CWF19L2: variants seen among roughly 807,000 people sequenced by gnomAD.
CWF19L2 encodes CWF19-like protein 2.
In CWF19L2, 98 loss-of-function variants were observed where a neutral mutation model predicts 111.7. The observed-to-expected ratio is 0.88, with a 90% CI of 0.75 to 1.04. The LOEUF (loss-of-function observed/expected upper bound fraction) is 1.04. Among genes scored for constraint, CWF19L2 ranks in the 50% least tolerant of loss-of-function variants. The pLI is 0.00. For missense variants in CWF19L2, 1,101 were observed against 1,051.4 expected (o/e 1.05, Z -0.65); for synonymous variants, 351 against 342.9 (o/e 1.02, Z -0.26).
intron 12 of CWF19L2, among the ~76,000 whole-genome samples, chr11:107,379,880 A>G (rs1591173691): frequency 6.6e-6 from 1 of 152,014 alleles, no homozygotes; most frequent in African/African-American, 2.4e-5. Flanking sequence ...TAACACAGTG[A>G]AACCCCATCT....
intron 6 of CWF19L2, among the ~76,000 whole-genome samples, chr11:107,438,327 G>A (rs377663728): frequency 2.2e-4 from 34 of 152,224 alleles, no homozygotes; most frequent in African/African-American, 7.9e-4. Context: ...GTATGCTTAC[G>A]TGACATTTAA....
chr11:107,372,728 T>C lies in CWF19L2; in HGVS notation c.1872+17346A>G, dbSNP rs548696820. Among the ~76,000 whole-genome samples, 113 of 135,138 alleles carry C rather than the reference T, an allele frequency of 8.4e-4. 20 individuals carry two copies. The highest frequency in any genetic ancestry group is 1.3e-3 in the Non-Finnish European group (81 of 63,592). 88.7% of individuals were successfully genotyped at this position (135,138 alleles called of 152,430 possible). On this transcript the variant is annotated intron_variant, in intron 12 of 17. Coordinates refer to ENST00000282251, the MANE Select transcript of CWF19L2 (RefSeq NM_152434.3). Reference sequence around the variant, plus strand: ...GCTAGAAAACTAGTTAGAAGGCTATTTGGTAGACCAGATAAGAAACAAAGA... The same window carrying C: ...GCTAGAAAACTAGTTAGAAGGCTATCTGGTAGACCAGATAAGAAACAAAGA...
intron 8 of CWF19L2, among the ~76,000 whole-genome samples, chr11:107,421,775 A>G (rs1380236647): frequency 2.6e-5 from 4 of 152,132 alleles, no homozygotes; most frequent in Non-Finnish European, 4.4e-5. Context: ...AAATGGTACA[A>G]TCACTTTGGA....
chr11:107,422,988 T>C (rs1308484516), intron 8 of CWF19L2, among the ~76,000 whole-genome samples: 1 of 151,994 alleles, frequency 6.6e-6, no homozygotes, highest in Non-Finnish European at 1.5e-5. Context: ...CATATTTTCA[T>C]TCCCCTCATA....
chr11:107,379,938 A>G (rs1213845629), intron 12 of CWF19L2, among the ~76,000 whole-genome samples: 4 of 150,602 alleles, frequency 2.7e-5, no homozygotes, highest in Non-Finnish European at 3.0e-5. Flanking sequence ...GCAGGCCCCT[A>G]TAGTCCCAGC....
At chr11:107,396,682 G>C (rs1860926508) in intron 10 of CWF19L2, among the ~76,000 whole-genome samples, 1 of 152,182 alleles carries the variant, frequency 6.6e-6, no homozygotes, top group Admixed American at 6.5e-5. Context: ...GGCAAGACTA[G>C]ATTGTAGCTC....
intron 10 of CWF19L2, chr11:107,404,699 T>C: frequency 2.6e-6 from 1 of 387,162 alleles, no homozygotes. Flanking sequence ...AAGACCAAGC[T>C]GTATACTGTT....
At chr11:107,330,635 C>CA (rs1306594256) in intron 16 of CWF19L2, among the ~76,000 whole-genome samples, 3 of 128,538 alleles carry the variant, frequency 2.3e-5, no homozygotes, top group Non-Finnish European at 3.2e-5. Flanking sequence ...TCTACACACA[C>CA]CCCCCCCACC....
intron 14 of CWF19L2, among the ~76,000 whole-genome samples, chr11:107,348,445 T>G (rs962480527): frequency 1.3e-5 from 2 of 152,070 alleles, no homozygotes; most frequent in Non-Finnish European, 2.9e-5. Context: ...GGCCAGATTA[T>G]GAAGGAAAAA....
chr11:107,399,403 A>G (rs2135383095), intron 10 of CWF19L2, among the ~76,000 whole-genome samples: 1 of 152,352 alleles, frequency 6.6e-6, no homozygotes, highest in African/African-American at 2.4e-5. Context: ...ATGGACACCA[A>G]AAGTGAGGAG....
In CWF19L2 at chr11:107,331,688, T is replaced by C. The variant is rs76139040; in HGVS notation, c.2440-1669A>G. Among the ~76,000 whole-genome samples, 589 of 152,340 alleles carry C rather than the reference T, an allele frequency of 3.9e-3. 1 individual carries two copies. Among genetic ancestry groups the C allele is most frequent in the African/African-American group, 0.013 (530 of 41,584 alleles). On this transcript the variant is annotated intron_variant, in intron 16 of 17. Transcript: ENST00000282251. The stretch of plus-strand genomic sequence containing the variant: ...AAATCTATGGCGTTTTAGGCCAATA[T>C]GTTTGTGGTAATTTCTTACAGCAGC...
chr11:107,363,382 A>G (rs1232607229), intron 12 of CWF19L2, among the ~76,000 whole-genome samples: 1 of 152,178 alleles, frequency 6.6e-6, no homozygotes, highest in African/African-American at 2.4e-5. Flanking sequence ...CAGATTCACC[A>G]AAGTTGAAAT....
Position 107,429,211 on chromosome 11 carries a change from G to C in CWF19L2, c.1021C>G (p.Pro341Ala). 1 of 1,612,880 alleles carries C rather than the reference G, an allele frequency of 6.2e-7. No individual in the cohort carries two copies. The highest frequency in any genetic ancestry group is 8.5e-7 in the Non-Finnish European group (1 of 1,179,608). The part of the protein sequence containing the change: ...KFIGDEKDKR[P>A]GSLETCRRES... ...CTTCTACACGTTTCTAAAGACCCAG[G>C]TCTCTTATCTTTTTCATCACCAATA... The change falls in exon 8 of 18, where the codon CCT becomes GCT. Residue 341 changes from proline (P) to alanine (A), a missense_variant. By Grantham distance (27) the Pro-to-Ala change is conservative. Coordinates refer to ENST00000282251, the MANE Select transcript of CWF19L2 (RefSeq NM_152434.3).
intron 12 of CWF19L2, among the ~76,000 whole-genome samples, chr11:107,381,211 C>T (rs967070576): frequency 1.3e-5 from 2 of 152,104 alleles, no homozygotes; most frequent in African/African-American, 4.8e-5. Context: ...GAATTGTATA[C>T]TGTAAATGGT....
rs1861583299 is a variant in CWF19L2, at chr11:107,439,071, A to T, written c.664+19T>A. 2 of 997,824 alleles carry T rather than the reference A, an allele frequency of 2.0e-6. No individual in the cohort carries two copies. Among genetic ancestry groups the T allele is most frequent in the African/African-American group, 3.4e-5 (2 of 59,192 alleles). 61.8% of individuals were successfully genotyped at this position (997,824 alleles called of 1,614,324 possible). A position where few individuals can be genotyped will look rare whatever the true frequency, so the allele number is the denominator to read the frequency against. Reference sequence around the variant, plus strand: ...AAAAAAAAAAACCCTGTGTGTCTATAATCAAAATGTAGAAATACCTTTAGT... The same window carrying T: ...AAAAAAAAAAACCCTGTGTGTCTATTATCAAAATGTAGAAATACCTTTAGT... On this transcript the variant is annotated intron_variant, in intron 6 of 17. Transcript: ENST00000282251.
At chr11:107,368,590 C>G (rs1287936168) in intron 12 of CWF19L2, among the ~76,000 whole-genome samples, 1 of 137,608 alleles carries the variant, frequency 7.3e-6, no homozygotes, top group East Asian at 2.1e-4. Context: ...TGACTGACAG[C>G]TGATGATGTG....
rs557291742 is a variant in CWF19L2 at position 107,335,016 on chromosome 11, A to G, written c.2359-55T>C. ...AAGAACATGTAAGTAAATAAAAAGAAACAGCTTATAACAAGTAATATAGCA... is the reference window on the plus strand; with the variant it reads ...AAGAACATGTAAGTAAATAAAAAGAGACAGCTTATAACAAGTAATATAGCA... On this transcript the variant is annotated intron_variant, in intron 15 of 17. Transcript: ENST00000282251. 1.2e-4 allele frequency: 124 copies of G among 1,049,566 alleles called. 3 individuals carry two copies. In the South Asian group the frequency reaches 1.5e-3, roughly 13 times the overall value. The allele number at this position is 1,049,566 out of a possible 1,614,324, so 65.0% of individuals were successfully genotyped here.
At chr11:107,363,501 G>C (rs548486518) in intron 12 of CWF19L2, among the ~76,000 whole-genome samples, 12 of 150,888 alleles carry the variant, frequency 8.0e-5, no homozygotes, top group African/African-American at 2.7e-4. Flanking sequence ...AGCCAGAAGA[G>C]AGTGGGGGCC....
chr11:107,413,033 A>G (rs1167174788), intron 10 of CWF19L2, among the ~76,000 whole-genome samples: 2 of 152,244 alleles, frequency 1.3e-5, no homozygotes, highest in Non-Finnish European at 2.9e-5. Flanking sequence ...ACTCTGTATG[A>G]TACTACAATG....
Sources: allele counts gnomAD v4.1 joint callset (sites outside exome capture counted in the v4.1 genomes callset), GRCh38; gene constraint gnomAD v4.1.1; transcripts MANE v1.5; gene names NCBI Gene and HGNC (gene_info 2026-07-23, HGNC 2026-07-21).